The following ZFYVE16 variants were observed in gnomAD, a reference collection of about 807,000 sequenced individuals.
ZFYVE16 encodes zinc finger FYVE domain-containing protein 16.
A neutral mutation model predicts 138.1 loss-of-function variants in ZFYVE16; 89 were observed. That is an observed-to-expected ratio of 0.64 (90% CI 0.54 to 0.77). The LOEUF (loss-of-function observed/expected upper bound fraction) is 0.77. Ranked by LOEUF, ZFYVE16 falls within the 30% of genes least tolerant of loss-of-function variation. The probability of loss-of-function intolerance (pLI) is 0.00; values close to 1 mark genes in which losing one functional copy is unlikely to be tolerated. For missense variants in ZFYVE16, 1,793 were observed against 1,786.7 expected (o/e 1.00, Z -0.06); for synonymous variants, 596 against 618.3 (o/e 0.96, Z 0.53).
intron 16 of ZFYVE16, among the ~76,000 whole-genome samples, chr5:80,473,373 T>C (rs1754575580): frequency 6.6e-6 from 1 of 152,214 alleles, no homozygotes; most frequent in Admixed American, 6.5e-5. Flanking sequence ...CTTCCTCTCT[T>C]CAGTTACCCA....
chr5:80,455,639 T>C (rs1752448623), intron 11 of ZFYVE16, 53 bp from the exon 12 acceptor site: 3 of 1,378,720 alleles, frequency 2.2e-6, no homozygotes, highest in South Asian at 2.4e-5. Flanking sequence ...ATAAATTCAA[T>C]AATTTGGGGT....
intron 1 of ZFYVE16, among the ~76,000 whole-genome samples, chr5:80,423,000 C>A (rs1007924422): frequency 6.6e-6 from 1 of 152,032 alleles, no homozygotes; most frequent in African/African-American, 2.4e-5. Context: ...CTTGCAGTGT[C>A]TTTATCTGGT....
chr5:80,439,165 C>T (rs1561279790), intron 4 of ZFYVE16, among the ~76,000 whole-genome samples, 158 bp downstream of exon 4: 1 of 152,146 alleles, frequency 6.6e-6, no homozygotes. Context: ...AAAGCAGTGT[C>T]ATTTTGCAGA....
At chr5:80,446,287 A>G (rs1391923958) in intron 7 of ZFYVE16, among the ~76,000 whole-genome samples, 1 of 152,142 alleles carries the variant, frequency 6.6e-6, no homozygotes, top group Non-Finnish European at 1.5e-5. Context: ...GAGAACCCTA[A>G]AGTGCTATAG....
chr5:80,447,908 G>T (rs1440662208), intron 7 of ZFYVE16, 118 bp from the exon 8 acceptor site: 3 of 852,136 alleles, frequency 3.5e-6, no homozygotes, highest in Non-Finnish European at 5.0e-6. Flanking sequence ...ATTTCTGAAC[G>T]CATTTTGGTT....
chr5:80,459,260 C>CT lies in ZFYVE16; in HGVS notation c.3944-146dup, dbSNP rs200467963. 1.4e-4 allele frequency among the ~76,000 whole-genome samples: 21 copies of CT among 152,070 alleles called. No individual in the cohort carries two copies. In the East Asian group the frequency reaches 2.7e-3, roughly 20 times the overall value. On this transcript the variant is annotated intron_variant, in intron 14 of 18. Coordinates refer to ENST00000505560, the MANE Select transcript of ZFYVE16 (RefSeq NM_001284236.3). ...ATTATTTTAATGTAATATTTTATCT[C>CT]TTTTTTTTGTCTTTTTAATTAGTTT...
Position 80,438,495 on chromosome 5 carries a change from A to G in ZFYVE16, c.1810A>G (p.Thr604Ala). Residue 604 changes from threonine (T) to alanine (A), a missense_variant, in exon 4 of 19, where the codon ACA becomes GCA. Physicochemically the swap from Thr to Ala is moderately conservative, Grantham distance 58. This residue lies in a region of ZFYVE16 where 1,295 missense variants were observed against 1,204.3 expected (regional missense o/e 1.08). Coordinates refer to ENST00000505560, the MANE Select transcript of ZFYVE16 (RefSeq NM_001284236.3). ...TTGTGAAATAGTTGATAAACAAAAT[A>G]CAATAGAAAATGGCCTTTCTTTAGG... ...IICEIVDKQNTIENGLSLGEK... is the reference protein window; with the variant it reads ...IICEIVDKQNAIENGLSLGEK... 2 of 1,613,728 alleles carry G rather than the reference A, an allele frequency of 1.2e-6. No homozygotes were observed. Among genetic ancestry groups the G allele is most frequent in the Middle Eastern group, 1.7e-4 (1 of 6,056 alleles).
intron 3 of ZFYVE16, chr5:80,435,676 C>G: frequency 2.5e-6 from 1 of 401,052 alleles, no homozygotes; most frequent in South Asian, 1.8e-5. Context: ...TCAGGCAATC[C>G]TCTCACCTCA....
intron 5 of ZFYVE16, 102 bp downstream of exon 5, chr5:80,440,134 C>A (rs954348426): frequency 1.7e-5 from 24 of 1,397,314 alleles, no homozygotes; most frequent in Middle Eastern, 5.4e-4. Context: ...AAGGCAAGGA[C>A]CTAGTGTTGA....
At chr5:80,451,246 TC>T (rs1309212063) in intron 10 of ZFYVE16, among the ~76,000 whole-genome samples, 1 of 152,198 alleles carries the variant, frequency 6.6e-6, no homozygotes, top group African/African-American at 2.4e-5. Context: ...AAATTTTTGT[TC>T]ATAATCCCCA....
intron 15 of ZFYVE16, among the ~76,000 whole-genome samples, chr5:80,467,945 A>G (rs1753905290): frequency 6.6e-6 from 1 of 152,210 alleles, no homozygotes; most frequent in South Asian, 2.1e-4. Context: ...TGATCAAATT[A>G]TAAGAAAAAA....
intron 18 of ZFYVE16, among the ~76,000 whole-genome samples, chr5:80,476,893 T>A (rs1234807801): frequency 6.6e-6 from 1 of 152,222 alleles, no homozygotes; most frequent in Non-Finnish European, 1.5e-5. Flanking sequence ...GTAGATTTTT[T>A]TAATACCATG....
In ZFYVE16 at chr5:80,468,692, G is replaced by A. The variant is rs182925955; in HGVS notation, c.4025-4069G>A. Among the ~76,000 whole-genome samples the A allele has an allele frequency of 9.4e-4, 143 of 152,204 alleles. 1 individual carries two copies. Among genetic ancestry groups the A allele is most frequent in the Admixed American group, 1.8e-3 (27 of 15,284 alleles). Reference sequence around the variant, plus strand: ...TTACCTTATAGATTTTATTGCCGATGTAAATGGTATCTTATTAAATTAAAA... The same window carrying A: ...TTACCTTATAGATTTTATTGCCGATATAAATGGTATCTTATTAAATTAAAA... On this transcript the variant is annotated intron_variant, in intron 15 of 18. Transcript: ENST00000505560.
At chr5:80,467,962 A>G (rs953741847) in intron 15 of ZFYVE16, among the ~76,000 whole-genome samples, 1 of 152,250 alleles carries the variant, frequency 6.6e-6, no homozygotes, top group African/African-American at 2.4e-5. Context: ...AAAAATATAT[A>G]TAAATTCTGG....
chr5:80,459,577 A>C (rs911971878), intron 15 of ZFYVE16, 83 bp downstream of exon 15: 2 of 1,218,682 alleles, frequency 1.6e-6, no homozygotes, highest in Non-Finnish European at 2.3e-6. Context: ...TTTACACAAG[A>C]ACATATGTAA....
intron 1 of ZFYVE16, among the ~76,000 whole-genome samples, chr5:80,423,590 C>T (rs1319841724): frequency 6.6e-6 from 1 of 152,156 alleles, no homozygotes; most frequent in African/African-American, 2.4e-5. Context: ...GGCTGGAGTG[C>T]AGTGGCAAGA....
At chr5:80,476,678 A>G (rs1458102401) in intron 18 of ZFYVE16, among the ~76,000 whole-genome samples, 1 of 152,144 alleles carries the variant, frequency 6.6e-6, no homozygotes, top group East Asian at 1.9e-4. Flanking sequence ...TCCAGCCAGG[A>G]TATATTTTAC....
intron 6 of ZFYVE16, among the ~76,000 whole-genome samples, 190 bp downstream of exon 6, chr5:80,443,474 A>G (rs765490157): frequency 1.3e-5 from 2 of 152,340 alleles, no homozygotes; most frequent in Middle Eastern, 3.4e-3. Context: ...TGCCGCAGCA[A>G]TTAGTAACTG....
At chr5:80,419,085 C>CTT (rs1370550366) in intron 1 of ZFYVE16, among the ~76,000 whole-genome samples, 1 of 136,290 alleles carries the variant, frequency 7.3e-6, no homozygotes. Context: ...TTTGGGGGGT[C>CTT]TTTTTTTTTT....
Sources: allele counts gnomAD v4.1 joint callset (sites outside exome capture counted in the v4.1 genomes callset), GRCh38; gene constraint gnomAD v4.1.1; regional missense constraint gnomAD v4.1.1; transcripts MANE v1.5; gene names NCBI Gene and HGNC (gene_info 2026-07-23, HGNC 2026-07-21).